Variants in ALKBH3 observed in about 807,000 individuals in gnomAD.
The protein encoded by ALKBH3 is alpha-ketoglutarate-dependent dioxygenase alkB homolog 3.
In ALKBH3, 51 loss-of-function variants were observed where a neutral mutation model predicts 43.9. The observed-to-expected ratio is 1.16, with a 90% CI of 0.93 to 1.47. The LOEUF (loss-of-function observed/expected upper bound fraction) is 1.47, where lower values mean the gene tolerates loss of function less well. ALKBH3 is among the 40% of genes most tolerant of loss of function. The probability of loss-of-function intolerance (pLI) is 0.00; values close to 1 mark genes in which losing one functional copy is unlikely to be tolerated. For synonymous variants in ALKBH3, 102 were observed against 115.2 expected (o/e 0.89, Z 0.73); for missense variants, 361 against 351.9 (o/e 1.03, Z -0.21).
chr11:43,903,742 G>A (rs898278786), intron 8 of ALKBH3, among the ~76,000 whole-genome samples: 1 of 151,960 alleles, frequency 6.6e-6, no homozygotes, highest in Non-Finnish European at 1.5e-5. Flanking sequence ...CCACCACCAT[G>A]CCCCTTTTTA....
intron 8 of ALKBH3, among the ~76,000 whole-genome samples, chr11:43,907,115 T>A (rs7128112): frequency 6.6e-6 from 1 of 152,042 alleles, no homozygotes; most frequent in Non-Finnish European, 1.5e-5. Context: ...GAGGGTAAGG[T>A]GGCCTGTGGA....
At chr11:43,884,955 T>A (rs1951737374) in intron 4 of ALKBH3, among the ~76,000 whole-genome samples, 1 of 151,568 alleles carries the variant, frequency 6.6e-6, no homozygotes, top group African/African-American at 2.4e-5. Context: ...GGGATCTCCC[T>A]ATGTTGCCTG....
intron 8 of ALKBH3, among the ~76,000 whole-genome samples, chr11:43,905,608 T>C (rs1951890693): frequency 6.6e-6 from 1 of 152,230 alleles, no homozygotes; most frequent in Non-Finnish European, 1.5e-5. Flanking sequence ...CTTTTTTGTT[T>C]AGTTCAAATC....
At chr11:43,898,694 A>G in intron 7 of ALKBH3, 1 of 716,708 alleles carries the variant, frequency 1.4e-6, no homozygotes, top group Non-Finnish European at 2.6e-6. Context: ...GAGGTGGTGA[A>G]GGCCAGTTAC....
chr11:43,911,025 G>A (rs1382127443), intron 8 of ALKBH3, among the ~76,000 whole-genome samples: 1 of 152,200 alleles, frequency 6.6e-6, no homozygotes. Context: ...CCTTATGGGG[G>A]TTACAGGAGC....
chr11:43,909,622 GGTAA>G (rs1951921791), intron 8 of ALKBH3: 1 of 152,186 alleles, frequency 6.6e-6, no homozygotes. Flanking sequence ...ATCCTCAGCG[GGTAA>G]GTAGCTGTAA....
At chr11:43,886,102 G>A (rs1433326100) in intron 4 of ALKBH3, among the ~76,000 whole-genome samples, 2 of 152,186 alleles carry the variant, frequency 1.3e-5, no homozygotes, top group Non-Finnish European at 2.9e-5. Context: ...TATGGGAGCT[G>A]TCAGAAGATA....
intron 8 of ALKBH3, among the ~76,000 whole-genome samples, chr11:43,904,370 T>C (rs975839248): frequency 6.6e-5 from 10 of 152,266 alleles, no homozygotes; most frequent in Non-Finnish European, 1.2e-4. Context: ...GCTTCTGGCC[T>C]AGTCTTAACT....
At chr11:43,897,041 A>G (rs1465338021) in intron 7 of ALKBH3, among the ~76,000 whole-genome samples, 1 of 152,128 alleles carries the variant, frequency 6.6e-6, no homozygotes, top group African/African-American at 2.4e-5. Flanking sequence ...TCCTGGGCTC[A>G]AGCGATCCTC....
intron 7 of ALKBH3, chr11:43,898,749 ATTTC>A (rs1176503606): frequency 2.7e-6 from 2 of 730,012 alleles, no homozygotes; most frequent in African/African-American, 3.5e-5. Context: ...CACCCAGGGT[ATTTC>A]CTGTGCTCTG....
intron 6 of ALKBH3, among the ~76,000 whole-genome samples, chr11:43,891,047 T>C (rs1274793465): frequency 1.3e-5 from 2 of 152,206 alleles, no homozygotes; most frequent in Non-Finnish European, 2.9e-5. Flanking sequence ...TTGAGTATTT[T>C]TGATCCATGG....
intron 7 of ALKBH3, among the ~76,000 whole-genome samples, chr11:43,893,223 AT>A (rs1951796210): frequency 6.6e-6 from 1 of 152,154 alleles, no homozygotes; most frequent in Non-Finnish European, 1.5e-5. Context: ...GGGCTGGATA[AT>A]TCTTTCTTGT....
Position 43,901,675 on chromosome 11 carries a change from C to G in ALKBH3, c.619C>G (p.Leu207Val). The change falls in exon 8 of 10, where the codon CTA (leucine) becomes GTA (valine). Residue 207 changes from leucine to valine, a missense_variant. Transcript: ENST00000302708. ...SLGRCPIIAS[L>V]SFGATRTFEM... Reference sequence around the variant, plus strand: ...AGGGAGGTGCCCCATTATTGCTTCACTAAGTTTTGGTGCCACACGCACATT... The same window carrying G: ...AGGGAGGTGCCCCATTATTGCTTCAGTAAGTTTTGGTGCCACACGCACATT... 1 of 1,614,272 alleles carries G rather than the reference C, an allele frequency of 6.2e-7. No individual in the cohort carries two copies. Among genetic ancestry groups the G allele is most frequent in the Non-Finnish European group, 8.5e-7 (1 of 1,180,054 alleles).
intron 7 of ALKBH3, chr11:43,898,962 G>A (rs1951840797): frequency 4.0e-6 from 3 of 750,844 alleles, no homozygotes; most frequent in Non-Finnish European, 7.5e-6. Context: ...GGAGGAGCTG[G>A]AGAATGAAGA....
intron 8 of ALKBH3, among the ~76,000 whole-genome samples, chr11:43,903,541 C>A (rs1951876945): frequency 1.3e-5 from 2 of 152,170 alleles, no homozygotes; most frequent in African/African-American, 4.8e-5. Context: ...CTTTCTCCTC[C>A]TGGAGCTCAT....
intron 8 of ALKBH3, chr11:43,910,566 G>C (rs997211477): frequency 3.3e-5 from 5 of 152,140 alleles, no homozygotes; most frequent in African/African-American, 1.2e-4. Context: ...CTCCACACTT[G>C]CTGGTAAGTT....
chr11:43,898,783 AT>A, intron 7 of ALKBH3: 1 of 756,740 alleles, frequency 1.3e-6, no homozygotes. Flanking sequence ...TAGTCCATTT[AT>A]TGATGACAAC....
intron 8 of ALKBH3, among the ~76,000 whole-genome samples, chr11:43,917,232 G>A (rs926156549): frequency 6.6e-6 from 1 of 152,094 alleles, no homozygotes; most frequent in Non-Finnish European, 1.5e-5. Flanking sequence ...GATACATTTC[G>A]GAATTCTCTT....
chr11:43,894,253 C>G (rs916881301), intron 7 of ALKBH3, among the ~76,000 whole-genome samples: 1 of 152,204 alleles, frequency 6.6e-6, no homozygotes, highest in African/African-American at 2.4e-5. Context: ...CCTTTCTTCT[C>G]CTGTAGACCC....
Sources: allele counts gnomAD v4.1 joint callset (sites outside exome capture counted in the v4.1 genomes callset), GRCh38; gene constraint gnomAD v4.1.1; transcripts MANE v1.5; gene names NCBI Gene and HGNC (gene_info 2026-07-23, HGNC 2026-07-21).